The following KALRN variants were observed in gnomAD, a reference collection of about 807,000 sequenced individuals.
KALRN encodes the protein kalirin.
In KALRN, 70 loss-of-function variants were observed where a neutral mutation model predicts 353.7. The ratio of observed to expected loss-of-function variants is 0.20; its 90% confidence interval spans 0.16 to 0.24. The LOEUF is 0.24. Among genes scored for constraint, KALRN ranks in the 10% least tolerant of loss-of-function variants. KALRN has a pLI of 1.00. For synonymous variants in KALRN, 1,391 were observed against 1,434.8 expected, an observed-to-expected ratio of 0.97 and a Z score of 0.69; for missense variants, 2,791 against 3,756.7, an observed-to-expected ratio of 0.74 and a Z score of 6.72.
Position 124,314,244 on chromosome 3 carries a change from G to A in KALRN, c.1093-11736G>A, listed in dbSNP as rs992295264. 2.6e-5 allele frequency among the ~76,000 whole-genome samples: 4 copies of A among 150,970 alleles called. No individual in the cohort carries two copies. In the South Asian group the frequency reaches 6.3e-4, roughly 24 times the overall value. ...AAACCATCATTCTGAGCAAACTATC[G>A]CAAGGACAGAAAACCAAACACCGCA... is the stretch of plus-strand genomic sequence containing the variant. On this transcript the variant is annotated intron_variant, in intron 6 of 59. Transcript: ENST00000682506.
intron 37 of KALRN, among the ~76,000 whole-genome samples, chr3:124,643,288 C>T (rs565596755): frequency 6.6e-6 from 1 of 152,074 alleles, no homozygotes; most frequent in African/African-American, 2.4e-5. Context: ...GCCAGGATTG[C>T]AGGTGTGAGC....
At chr3:124,584,869 G>T in intron 34 of KALRN, 1 of 1,606,790 alleles carries the variant, frequency 6.2e-7, no homozygotes, top group Admixed American at 1.7e-5. Context: ...CTTTGGGGTG[G>T]CTCTTTGCTA....
chr3:124,665,240 A>T (rs2085465226), intron 45 of KALRN, among the ~76,000 whole-genome samples: 1 of 152,168 alleles, frequency 6.6e-6, no homozygotes, highest in Admixed American at 6.5e-5. Flanking sequence ...CTCTGATGTC[A>T]GGGTCTTCTT....
At chr3:124,432,436 A>G (rs2093315935) in intron 16 of KALRN, among the ~76,000 whole-genome samples, 1 of 152,192 alleles carries the variant, frequency 6.6e-6, no homozygotes, top group African/African-American at 2.4e-5. Flanking sequence ...AGAATTGGGC[A>G]CATAGCAGTC....
At chr3:124,144,572 C>G (rs2067058599) in intron 1 of KALRN, among the ~76,000 whole-genome samples, 1 of 151,730 alleles carries the variant, frequency 6.6e-6, no homozygotes, top group African/African-American at 2.4e-5. Flanking sequence ...CCTCCTATTC[C>G]TCATCCTCCT....
intron 42 of KALRN, 33 bp from the exon 43 acceptor site, chr3:124,659,332 C>T: frequency 6.7e-7 from 1 of 1,490,536 alleles, no homozygotes; most frequent in Non-Finnish European, 9.4e-7. Context: ...TCTTCAGTTC[C>T]TTTTTCTTCT....
intron 29 of KALRN, among the ~76,000 whole-genome samples, chr3:124,489,285 C>T (rs1049536231): frequency 3.7e-4 from 56 of 151,940 alleles, no homozygotes; most frequent in East Asian, 5.8e-4. Context: ...CCAGCCTGGG[C>T]GATAGAGCAA....
At chr3:124,527,729 C>T (rs2067715125) in intron 33 of KALRN, among the ~76,000 whole-genome samples, 1 of 152,000 alleles carries the variant, frequency 6.6e-6, no homozygotes, top group African/African-American at 2.4e-5. Flanking sequence ...AAGAGGGTGC[C>T]CAGAAATGTA....
rs545510098 is a variant in KALRN, at chr3:124,202,145, C to T, written c.74-25845C>T. Among the ~76,000 whole-genome samples the T allele has an allele frequency of 1.3e-4, 20 of 152,358 alleles. 1 individual carries two copies. The highest frequency in any genetic ancestry group is 1.1e-3 in the Admixed American group (17 of 15,306). On this transcript the variant is annotated intron_variant, in intron 1 of 59. Coordinates refer to ENST00000682506, the MANE Select transcript of KALRN (RefSeq NM_001388419.1). The stretch of plus-strand genomic sequence containing the variant: ...TTATGTGCTTGGCATGTTTCATCTA[C>T]ATGGAAGTGATTTGGAAATTTTACA...
intron 10 of KALRN, among the ~76,000 whole-genome samples, chr3:124,361,845 T>G (rs1344787062): frequency 2.8e-5 from 4 of 141,152 alleles, no homozygotes; most frequent in Admixed American, 1.4e-4. Context: ...GCAGTGGGGG[T>G]GGGGAGTAGT....
At chr3:124,316,977 C>A (rs990308076) in intron 6 of KALRN, among the ~76,000 whole-genome samples, 1 of 152,204 alleles carries the variant, frequency 6.6e-6, no homozygotes, top group Non-Finnish European at 1.5e-5. Flanking sequence ...ACCTGTTCCT[C>A]AGGGCAGCTG....
intron 34 of KALRN, among the ~76,000 whole-genome samples, chr3:124,579,426 T>C (rs956955021): frequency 6.6e-6 from 1 of 152,276 alleles, no homozygotes; most frequent in Non-Finnish European, 1.5e-5. Context: ...CTCAGCCATC[T>C]AGTTGAAAAG....
intron 1 of KALRN, among the ~76,000 whole-genome samples, chr3:124,131,754 A>T (rs1344892132): frequency 6.6e-6 from 1 of 152,174 alleles, no homozygotes. Flanking sequence ...GCTTAGAATG[A>T]TGGTTCTTTT....
At chr3:124,198,047 C>G (rs1252082603) in intron 1 of KALRN, among the ~76,000 whole-genome samples, 1 of 152,070 alleles carries the variant, frequency 6.6e-6, no homozygotes. Context: ...TTATACAGAC[C>G]CAGAGAGACA....
chr3:124,636,467 G>A (rs2081359661), intron 36 of KALRN, among the ~76,000 whole-genome samples: 1 of 152,180 alleles, frequency 6.6e-6, no homozygotes, highest in African/African-American at 2.4e-5. Context: ...ACACAGGGAG[G>A]TCCTGGAGTC....
intron 51 of KALRN, among the ~76,000 whole-genome samples, chr3:124,680,343 C>T (rs528076613): frequency 6.6e-6 from 1 of 152,372 alleles, no homozygotes; most frequent in South Asian, 2.1e-4. Context: ...AGAAACGTGG[C>T]TCTTACGTGG....
In KALRN at chr3:124,720,426, A is replaced by G. The variant is rs562730713; in HGVS notation, c.*956A>G. On this transcript the variant is annotated 3_prime_UTR_variant, in exon 60 of 60. Coordinates refer to ENST00000682506, the MANE Select transcript of KALRN (RefSeq NM_001388419.1). ...AATGAAAACCTTTCCTACAGTTCCT[A>G]TGAACAACGTACCAACACTTTCTGA... is the stretch of plus-strand genomic sequence containing the variant. 6.5e-6 allele frequency: 1 copy of G among 152,764 alleles called. No homozygotes were observed. The highest frequency in any genetic ancestry group is 2.4e-5 in the African/African-American group (1 of 41,582). The allele number at this position is 152,764 out of a possible 1,614,324, so 9.5% of individuals were successfully genotyped here.
chr3:124,287,156 T>C (rs1008603228), intron 5 of KALRN, among the ~76,000 whole-genome samples: 9 of 152,168 alleles, frequency 5.9e-5, no homozygotes, highest in Non-Finnish European at 1.0e-4. Context: ...AGAGAGCTCA[T>C]GAAAGCCTCT....
chr3:124,711,464 T>A (rs2062884252), intron 57 of KALRN, among the ~76,000 whole-genome samples: 1 of 152,220 alleles, frequency 6.6e-6, no homozygotes, highest in Non-Finnish European at 1.5e-5. Context: ...GTTGGAGGAA[T>A]GGGCTGGTCT....
Sources: allele counts gnomAD v4.1 joint callset (sites outside exome capture counted in the v4.1 genomes callset), GRCh38; gene constraint gnomAD v4.1.1; transcripts MANE v1.5; gene names NCBI Gene and HGNC (gene_info 2026-07-23, HGNC 2026-07-21).